OTX1: variants seen among roughly 807,000 people sequenced by gnomAD.
The protein encoded by OTX1 is homeobox protein OTX1.
A neutral mutation model predicts 26.7 loss-of-function variants in OTX1; 7 were observed. That is an observed-to-expected ratio of 0.26 (90% CI 0.15 to 0.49). The LOEUF is 0.49. Among genes scored for constraint, OTX1 ranks in the 20% least tolerant of loss-of-function variants. The probability of loss-of-function intolerance (pLI) is 0.98; values close to 1 mark genes in which losing one functional copy is unlikely to be tolerated. For missense variants in OTX1, 414 were observed against 483.8 expected (o/e 0.86, Z 1.35); for synonymous variants, 216 against 212.8 (o/e 1.01, Z -0.13).
At chr2:63,054,240 A>G in intron 4 of OTX1, 42 bp downstream of exon 4, 1 of 1,529,564 alleles carries the variant, frequency 6.5e-7, no homozygotes, top group Non-Finnish European at 8.8e-7. Flanking sequence ...AGGGGAGCTG[A>G]GGCTGCTCGG....
At chr2:63,050,953 C>T (rs2062020825) in intron 1 of OTX1, 56 bp downstream of exon 1, 1 of 152,260 alleles carries the variant, frequency 6.6e-6, no homozygotes, top group Admixed American at 6.5e-5. Context: ...TTCCCAGTCC[C>T]CACTGCCTCC....
At chr2:63,050,759 C>T (rs1351351864), upstream of OTX1, 4 of 152,210 alleles carry the variant, frequency 2.6e-5, no homozygotes, top group East Asian at 1.9e-4. Flanking sequence ...GCGCGGGGCC[C>T]CCGATTGGCG....
chr2:63,053,794 C>G (rs2062044494), intron 3 of OTX1: 1 of 491,092 alleles, frequency 2.0e-6, no homozygotes, highest in South Asian at 2.7e-5. Flanking sequence ...CTTCTCTTAA[C>G]TTTTTTAACC....
At position 63,055,874 on chromosome 2, in the gene OTX1, G is replaced by A. The variant is rs375731189; in HGVS notation, c.623G>A (p.Arg208His). 123 of 1,611,988 alleles carry A rather than the reference G, an allele frequency of 7.6e-5. No individual in the cohort carries two copies. Among genetic ancestry groups the A allele is most frequent in the Non-Finnish European group, 9.7e-5 (115 of 1,179,844 alleles). The change falls in exon 5 of 5, where the codon CGC becomes CAC. Residue 208 changes from arginine to histidine, a missense_variant. Around this residue, in one of 3 missense-constraint regions of OTX1, gnomAD observed 320 missense variants for 347.9 expected, o/e 0.92. Transcript: ENST00000282549. The surrounding 1 kb of genome is among the most constrained non-coding windows in gnomAD (Gnocchi z 5.2). The part of the protein sequence containing the change: ...AAPSNTSCMQ[R>H]SVAAGAATAA... The stretch of plus-strand genomic sequence containing the variant: ...CCTAGCAACACCTCGTGTATGCAGC[G>A]CTCCGTAGCTGCAGGCGCCGCCACC...
At chr2:63,053,220 T>C (rs2062038538) in intron 3 of OTX1, 133 bp downstream of exon 3, 1 of 604,068 alleles carries the variant, frequency 1.7e-6, no homozygotes, top group East Asian at 3.2e-5. Flanking sequence ...CACTGTCTGT[T>C]TACAATACAG....
rs2062074953 is a variant in OTX1, at chr2:63,057,168, T to TA, written c.*858dup. 6.6e-6 allele frequency: 1 copy of TA among 151,528 alleles called. No individual in the cohort carries two copies. Among genetic ancestry groups the TA allele is most frequent in the African/African-American group, 2.4e-5 (1 of 41,372 alleles). The allele number at this position is 151,528 out of a possible 1,614,324, so 9.4% of individuals were successfully genotyped here. A position where few individuals can be genotyped will look rare whatever the true frequency, so the allele number is the denominator to read the frequency against. ...ATATACATATATATATACACATATATAAAAAACAAAAGCAAAAAATATTTT... is the reference window on the plus strand; with the variant it reads ...ATATACATATATATATACACATATATAAAAAAACAAAAGCAAAAAATATTTT... On this transcript the variant is annotated 3_prime_UTR_variant, in exon 5 of 5. Transcript: ENST00000282549.
intron 2 of OTX1, among the ~76,000 whole-genome samples, chr2:63,052,424 C>T (rs2062032735): frequency 6.6e-6 from 1 of 152,246 alleles, no homozygotes; most frequent in African/African-American, 2.4e-5. Flanking sequence ...ATTAGCCCTC[C>T]ACATTGGCCC....
At position 63,055,783 on chromosome 2, in the gene OTX1, A is replaced by C; in HGVS notation, c.532A>C (p.Ser178Arg). 1 of 1,612,318 alleles carries C rather than the reference A, an allele frequency of 6.2e-7. No homozygotes were observed. The highest frequency in any genetic ancestry group is 8.5e-7 in the Non-Finnish European group (1 of 1,179,642). The change falls in exon 5 of 5, where the codon AGC becomes CGC. Residue 178 changes from serine to arginine, a missense_variant. This residue lies in a region of OTX1 where 320 missense variants were observed against 347.9 expected (regional missense o/e 0.92). Transcript: ENST00000282549. The surrounding 1 kb of genome is among the most constrained non-coding windows in gnomAD (Gnocchi z 5.2). ...TACACCAGCTGCCTCATCTATCTGG[A>C]GCCCGGCCTCCATCTCGCCAGGCTC... ...LSTPAASSIW[S>R]PASISPGSAP...
In OTX1 at chr2:63,055,418, C is replaced by CG; in HGVS notation, c.250-80dup. On this transcript the variant is annotated intron_variant, in intron 4 of 4. Transcript: ENST00000282549. The surrounding 1 kb of genome is among the most constrained non-coding windows in gnomAD (Gnocchi z 5.2). Reference sequence around the variant, plus strand: ...GAGAAAGGATTGCGATATTCTGGACCGGGAGTTGGGTCCGCGGGGCGGTGG... The same window carrying CG: ...GAGAAAGGATTGCGATATTCTGGACCGGGGAGTTGGGTCCGCGGGGCGGTGG... 7.0e-6 allele frequency: 10 copies of CG among 1,421,318 alleles called. No individual in the cohort carries two copies. The South Asian group carries it at 1.3e-4, about 19-fold the overall frequency. 88.0% of individuals were successfully genotyped at this position (1,421,318 alleles called of 1,614,324 possible). A position where few individuals can be genotyped will look rare whatever the true frequency, so the allele number is the denominator to read the frequency against.
upstream of OTX1, among the ~76,000 whole-genome samples, chr2:63,050,350 C>A (rs2062015162): frequency 6.6e-6 from 1 of 152,152 alleles, no homozygotes; most frequent in South Asian, 2.1e-4. Flanking sequence ...GGAGAGGGGC[C>A]GAGGCCCGGG....
Position 63,055,856 on chromosome 2 carries a change from A to G in OTX1, c.605A>G (p.Asn202Ser). ...CCGGAGCCATTGGCCGCGCCTAGCA[A>G]CACCTCGTGTATGCAGCGCTCCGTA... ...SVPEPLAAPS[N>S]TSCMQRSVAA... Residue 202 changes from asparagine (N) to serine (S), a missense_variant, in exon 5 of 5, where the codon AAC (asparagine) becomes AGC (serine). Around this residue, in one of 3 missense-constraint regions of OTX1, gnomAD observed 320 missense variants for 347.9 expected, o/e 0.92. Transcript: ENST00000282549. The surrounding 1 kb of genome is among the most constrained non-coding windows in gnomAD (Gnocchi z 5.2). 6.2e-7 allele frequency: 1 copy of G among 1,612,386 alleles called. No homozygotes were observed. Among genetic ancestry groups the G allele is most frequent in the Non-Finnish European group, 8.5e-7 (1 of 1,179,856 alleles).
intron 2 of OTX1, 50 bp from the exon 3 acceptor site, chr2:63,052,830 C>T: frequency 1.8e-6 from 1 of 567,252 alleles, no homozygotes; most frequent in Non-Finnish European, 3.1e-6. Flanking sequence ...CAAGACTTGG[C>T]AGCCAAGTGG....
intron 3 of OTX1, 190 bp downstream of exon 3, chr2:63,053,277 C>A: frequency 2.2e-6 from 1 of 464,876 alleles, no homozygotes; most frequent in Non-Finnish European, 3.7e-6. Flanking sequence ...TGTGAGGTGG[C>A]CAGGGCTGAG....
Position 63,055,860 on chromosome 2 carries a change from C to T in OTX1, c.609C>T (p.Thr203=). ...AGCCATTGGCCGCGCCTAGCAACAC[C>T]TCGTGTATGCAGCGCTCCGTAGCTG... ...VPEPLAAPSN[T]SCMQRSVAAG... The change falls in exon 5 of 5, where the codon ACC becomes ACT. Residue 203 remains threonine, a synonymous_variant. Transcript: ENST00000282549. The surrounding 1 kb of genome is among the most constrained non-coding windows in gnomAD (Gnocchi z 5.2). 3.1e-6 allele frequency: 5 copies of T among 1,612,404 alleles called. No individual in the cohort carries two copies. In the East Asian group the frequency reaches 1.1e-4, roughly 36 times the overall value.
chr2:63,053,868 T>C, intron 3 of OTX1, 179 bp from the exon 4 acceptor site: 1 of 635,674 alleles, frequency 1.6e-6, no homozygotes, highest in Non-Finnish European at 2.7e-6. Flanking sequence ...GTCGCACATC[T>C]GCACTTTCTC....
chr2:63,054,292 A>G (rs1294993619), intron 4 of OTX1, 94 bp downstream of exon 4: 6 of 1,266,324 alleles, frequency 4.7e-6, no homozygotes, highest in Admixed American at 5.7e-5. Flanking sequence ...TGAGGAGACC[A>G]TCCTGTGGGG....
rs1472528402 is a variant in OTX1, at chr2:63,055,751, C to T, written c.500C>T (p.Ser167Leu). 1 of 1,612,484 alleles carries T rather than the reference C, an allele frequency of 6.2e-7. No homozygotes were observed. Among genetic ancestry groups the T allele is most frequent in the Non-Finnish European group, 8.5e-7 (1 of 1,179,668 alleles). The change falls in exon 5 of 5, where the codon TCG becomes TTG. Residue 167 changes from serine (S) to leucine (L), a missense_variant. By Grantham distance (145) the Ser-to-Leu change is moderately radical. Coordinates refer to ENST00000282549, the MANE Select transcript of OTX1 (RefSeq NM_014562.4). The surrounding 1 kb of genome is among the most constrained non-coding windows in gnomAD (Gnocchi z 5.2). Reference sequence around the variant, plus strand: ...GGGAACCCGGTGGCGGCCGCGTCGTCGCTGAGTACACCAGCTGCCTCATCT... The same window carrying T: ...GGGAACCCGGTGGCGGCCGCGTCGTTGCTGAGTACACCAGCTGCCTCATCT... ...LGGNPVAAAS[S>L]LSTPAASSIW...
In OTX1 at chr2:63,054,159, G is replaced by T; in HGVS notation, c.210G>T (p.Glu70Asp). 6.2e-7 allele frequency: 1 copy of T among 1,610,042 alleles called. No individual in the cohort carries two copies. The highest frequency in any genetic ancestry group is 8.5e-7 in the Non-Finnish European group (1 of 1,177,918). The change falls in exon 4 of 5, where the codon GAG becomes GAT. Residue 70 changes from glutamate to aspartate, a missense_variant. Glu to Asp is a conservative substitution (Grantham distance 45). Coordinates refer to ENST00000282549, the MANE Select transcript of OTX1 (RefSeq NM_014562.4). ...TRYPDIFMRE[E>D]VALKINLPES... ...ACCCTGACATCTTCATGCGGGAGGAGGTGGCGCTCAAGATCAACCTGCCGG... is the reference window on the plus strand; with the variant it reads ...ACCCTGACATCTTCATGCGGGAGGATGTGGCGCTCAAGATCAACCTGCCGG...
chr2:63,055,762 C>T lies in OTX1; in HGVS notation c.511C>T (p.Pro171Ser). 2 of 1,612,532 alleles carry T rather than the reference C, an allele frequency of 1.2e-6. No homozygotes were observed. The highest frequency in any genetic ancestry group is 1.7e-6 in the Non-Finnish European group (2 of 1,179,676). ...PVAAASSLST[P>S]AASSIWSPAS... ...GGCGGCCGCGTCGTCGCTGAGTACA[C>T]CAGCTGCCTCATCTATCTGGAGCCC... The change falls in exon 5 of 5, where the codon CCA (proline) becomes TCA (serine). Residue 171 changes from proline (P) to serine (S), a missense_variant. Pro to Ser is a moderately conservative substitution (Grantham distance 74, BLOSUM62 -1). Transcript: ENST00000282549. This position sits in a 1 kb window ranked among gnomAD's most constrained non-coding sequence, Gnocchi z 5.2.
Sources: gnomAD v4.1 joint callset for allele counts (sites outside exome capture counted in the v4.1 genomes callset) on GRCh38, gnomAD v4.1.1 for gene constraint, gnomAD v4.1.1 regional missense constraint, Gnocchi (gnomAD v3.1) non-coding constraint, MANE v1.5 for transcripts, NCBI Gene and HGNC (gene_info 2026-07-23, HGNC 2026-07-21) for gene names.